Variants in MAN1A1 observed in about 807,000 individuals in gnomAD.
The protein encoded by MAN1A1 is mannosyl-oligosaccharide 1,2-alpha-mannosidase IA.
MAN1A1 carries 29 observed loss-of-function variants against 70.8 expected under a neutral mutation model. That is an observed-to-expected ratio of 0.41 (90% CI 0.31 to 0.56). The LOEUF (loss-of-function observed/expected upper bound fraction) is 0.56, where lower values mean the gene tolerates loss of function less well. MAN1A1 is among the 20% of genes least tolerant of loss of function. The pLI, the probability that MAN1A1 is intolerant of heterozygous loss-of-function variation, is 0.29. For missense variants in MAN1A1, 747 were observed against 841.3 expected (o/e 0.89, Z 1.39); for synonymous variants, 349 against 330.1 (o/e 1.06, Z -0.62).
upstream of MAN1A1, chr6:119,349,904 A>T: frequency 2.9e-6 from 1 of 339,002 alleles, no homozygotes; most frequent in Non-Finnish European, 4.2e-6. Context: ...CGGGGCGGGG[A>T]GTTTACGGGA....
intron 5 of MAN1A1, among the ~76,000 whole-genome samples, chr6:119,274,496 C>T (rs995049088): frequency 6.6e-6 from 1 of 152,182 alleles, no homozygotes; most frequent in African/African-American, 2.4e-5. Context: ...ATTTTAGTTT[C>T]ATCTGAAATG....
intron 8 of MAN1A1, among the ~76,000 whole-genome samples, chr6:119,195,769 T>C (rs1421426415): frequency 6.6e-6 from 1 of 152,216 alleles, no homozygotes; most frequent in Non-Finnish European, 1.5e-5. Context: ...TAAAGAGCCA[T>C]GTTTTAAAGT....
At chr6:119,263,165 C>A (rs140440009) in intron 5 of MAN1A1, among the ~76,000 whole-genome samples, 1 of 151,644 alleles carries the variant, frequency 6.6e-6, no homozygotes, top group Non-Finnish European at 1.5e-5. Flanking sequence ...ACCTTGTGAT[C>A]GTGTAAGTTT....
At chr6:119,228,144 G>A (rs1774571717) in intron 6 of MAN1A1, among the ~76,000 whole-genome samples, 1 of 152,152 alleles carries the variant, frequency 6.6e-6, no homozygotes, top group African/African-American at 2.4e-5. Flanking sequence ...AAAGGGATAT[G>A]GTTCAGAGAG....
At chr6:119,273,105 C>T (rs1287848082) in intron 5 of MAN1A1, among the ~76,000 whole-genome samples, 5 of 151,986 alleles carry the variant, frequency 3.3e-5, no homozygotes, top group South Asian at 2.1e-4. Context: ...AAATTTAAAT[C>T]TTTAGAGGTT....
intron 2 of MAN1A1, among the ~76,000 whole-genome samples, chr6:119,343,571 G>C (rs1006507593): frequency 2.0e-5 from 3 of 152,304 alleles, no homozygotes; most frequent in East Asian, 1.9e-4. Context: ...GTGGGGATAA[G>C]ATATAGTTCA....
At chr6:119,256,108 T>G (rs886755440) in intron 5 of MAN1A1, among the ~76,000 whole-genome samples, 2 of 152,126 alleles carry the variant, frequency 1.3e-5, no homozygotes, top group Admixed American at 1.3e-4. Flanking sequence ...AGGCTACACA[T>G]GCTATCCTGC....
At chr6:119,334,294 G>A (rs531277858) in intron 2 of MAN1A1, among the ~76,000 whole-genome samples, 43 of 152,236 alleles carry the variant, frequency 2.8e-4, no homozygotes, top group African/African-American at 1.0e-3. Flanking sequence ...AAATATCCTC[G>A]TGCCCAACAA....
At chr6:119,202,691 G>A (rs185583205) in intron 7 of MAN1A1, among the ~76,000 whole-genome samples, 3 of 152,250 alleles carry the variant, frequency 2.0e-5, no homozygotes, top group East Asian at 1.9e-4. Context: ...TCACAAGGCC[G>A]TAGGAATTTT....
intron 8 of MAN1A1, among the ~76,000 whole-genome samples, chr6:119,198,245 C>CTTTTTTTTTTTT (rs1773625949): frequency 6.6e-6 from 1 of 152,114 alleles, no homozygotes; most frequent in Non-Finnish European, 1.5e-5. Flanking sequence ...CAAAAATTAG[C>CTTTTTTTTTTTT]TGGGTGTGGT....
In MAN1A1 at chr6:119,305,722, G is replaced by A. The variant is rs531196206; in HGVS notation, c.700+1174C>T. Among the ~76,000 whole-genome samples, 52 of 152,258 alleles carry A rather than the reference G, an allele frequency of 3.4e-4. 1 individual carries two copies. The South Asian group carries it at 8.7e-3, about 25-fold the overall frequency. On this transcript the variant is annotated intron_variant, in intron 3 of 12. Coordinates refer to ENST00000368468, the MANE Select transcript of MAN1A1 (RefSeq NM_005907.4). ...GGAAGTATATATTGAACCACCTGGCGCATTGATAAATCACTATTTACATAT... is the reference window on the plus strand; with the variant it reads ...GGAAGTATATATTGAACCACCTGGCACATTGATAAATCACTATTTACATAT...
intron 5 of MAN1A1, among the ~76,000 whole-genome samples, chr6:119,287,461 A>G (rs1187825156): frequency 6.6e-6 from 1 of 152,048 alleles, no homozygotes; most frequent in Non-Finnish European, 1.5e-5. Flanking sequence ...TTTCAATATC[A>G]TCTTTGCTTT....
intron 2 of MAN1A1, among the ~76,000 whole-genome samples, chr6:119,322,496 T>C (rs920842341): frequency 6.6e-6 from 1 of 152,126 alleles, no homozygotes; most frequent in Admixed American, 6.5e-5. Context: ...TTTGGGACCC[T>C]CTAGTCACTG....
intron 6 of MAN1A1, among the ~76,000 whole-genome samples, chr6:119,244,719 A>G (rs1775121388): frequency 6.6e-6 from 1 of 152,136 alleles, no homozygotes; most frequent in South Asian, 2.1e-4. Context: ...CTTGCTTCAA[A>G]TTCAACCTGG....
chr6:119,259,669 A>T (rs1775554336), intron 5 of MAN1A1, among the ~76,000 whole-genome samples: 1 of 152,178 alleles, frequency 6.6e-6, no homozygotes, highest in Admixed American at 6.5e-5. Context: ...TAAATTATCA[A>T]ATGGTGACAC....
chr6:119,286,844 T>A (rs1262787130), intron 5 of MAN1A1, among the ~76,000 whole-genome samples: 1 of 152,120 alleles, frequency 6.6e-6, no homozygotes, highest in Non-Finnish European at 1.5e-5. Context: ...TTCAGGTATC[T>A]TATTCAACTG....
Position 119,179,942 on chromosome 6 carries a change from A to G in MAN1A1, c.1839T>C (p.Tyr613=), listed in dbSNP as rs769758154. ...CGTCGTCAGAAAATATTAGGTACAA[A>G]TATCTGGTGAGAGAAACATAAGTAT... ...QSFFLAETLK[Y]LYLIFSDDDL... is the part of the protein sequence containing the mutation. The change falls in exon 13 of 13, where the codon TAT becomes TAC. Residue 613 remains tyrosine, a synonymous_variant. Coordinates refer to ENST00000368468, the MANE Select transcript of MAN1A1 (RefSeq NM_005907.4). The G allele has an allele frequency of 6.2e-7, 1 of 1,613,440 alleles. No homozygotes were observed. The highest frequency in any genetic ancestry group is 8.5e-7 in the Non-Finnish European group (1 of 1,179,496).
intron 6 of MAN1A1, among the ~76,000 whole-genome samples, chr6:119,247,419 A>G (rs1024639028): frequency 6.6e-6 from 1 of 152,204 alleles, no homozygotes; most frequent in African/African-American, 2.4e-5. Context: ...ATATGTGGTA[A>G]GAGGACTAAA....
intron 6 of MAN1A1, among the ~76,000 whole-genome samples, chr6:119,219,015 T>A (rs1324685899): frequency 6.6e-6 from 1 of 152,214 alleles, no homozygotes; most frequent in African/African-American, 2.4e-5. Context: ...AACCCTTGTT[T>A]ATAACAATTA....
Sources: allele counts gnomAD v4.1 joint callset (sites outside exome capture counted in the v4.1 genomes callset), GRCh38; gene constraint gnomAD v4.1.1; transcripts MANE v1.5; gene names NCBI Gene and HGNC (gene_info 2026-07-23, HGNC 2026-07-21).